Variants in UBE2E1 observed in about 807,000 individuals in gnomAD.
The protein encoded by UBE2E1 is ubiquitin-conjugating enzyme E2 E1.
UBE2E1 carries 6 observed loss-of-function variants against 21.4 expected under a neutral mutation model. The ratio of observed to expected loss-of-function variants is 0.28; its 90% CI spans 0.15 to 0.55. The LOEUF (loss-of-function observed/expected upper bound fraction) is 0.55, where lower values mean the gene tolerates loss of function less well. UBE2E1 is among the 20% of genes least tolerant of loss of function. UBE2E1 has a pLI of 0.93. For missense variants in UBE2E1, 142 were observed against 236.5 expected, an observed-to-expected ratio of 0.60 and a Z score of 2.62; for synonymous variants, 87 against 82.7, an observed-to-expected ratio of 1.05 and a Z score of -0.28.
chr3:23,807,252 TG>T lies in UBE2E1; in HGVS notation c.-14del. The T allele has an allele frequency of 6.2e-7, 1 of 1,602,366 alleles. No homozygotes were observed. The highest frequency in any genetic ancestry group is 1.8e-5 in the Admixed American group (1 of 56,670). ...CCCCCTGCAGGGGCTGTTTGCGGGG[TG>T]GGGTGGGGGGTTCGCTATGTCGGAT... is the stretch of plus-strand genomic sequence containing the variant. On this transcript the variant is annotated 5_prime_UTR_variant, in exon 2 of 6. Transcript: ENST00000306627.
chr3:23,827,978 G>C (rs1026407), intron 3 of UBE2E1, among the ~76,000 whole-genome samples: 116,049 of 151,946 alleles, frequency 0.76, 44,920 homozygotes, highest in African/African-American at 0.87. Context: ...CAGCTTCTTT[G>C]CTTTTTATTT....
intron 3 of UBE2E1, among the ~76,000 whole-genome samples, chr3:23,869,287 A>G (rs1196896512): frequency 1.3e-5 from 2 of 149,700 alleles, no homozygotes; most frequent in East Asian, 3.9e-4. Context: ...ATTAGTCAAG[A>G]TATTAGCCCT....
chr3:23,838,965 TTAGAATACATCTTTA>T (rs1378804186), intron 3 of UBE2E1, among the ~76,000 whole-genome samples: 107 of 152,096 alleles, frequency 7.0e-4, no homozygotes, highest in African/African-American at 1.4e-3. Context: ...AGTGGTTGCT[TTAGAATACATCTTTA>T]TAGAATACAT....
At position 23,836,021 on chromosome 3, in the gene UBE2E1, T is replaced by G. The variant is rs1262100930; in HGVS notation, c.203+24511T>G. The stretch of plus-strand genomic sequence containing the variant: ...TTTATGATCTAGTTTATGGCACAGA[T>G]AAGATATATATTTCAGAAAAAATGT... On this transcript the variant is annotated intron_variant, in intron 3 of 5. Transcript: ENST00000306627. This position sits in a 1 kb window ranked among gnomAD's most constrained non-coding sequence, Gnocchi z 4.1. 6.6e-6 allele frequency among the ~76,000 whole-genome samples: 1 copy of G among 152,230 alleles called. No individual in the cohort carries two copies. The highest frequency in any genetic ancestry group is 2.4e-5 in the African/African-American group (1 of 41,454).
At chr3:23,844,161 T>G (rs1575009937) in intron 3 of UBE2E1, among the ~76,000 whole-genome samples, 1 of 152,278 alleles carries the variant, frequency 6.6e-6, no homozygotes, top group South Asian at 2.1e-4. Flanking sequence ...TTGTGAGCCC[T>G]CCCCTTCCCC....
intron 3 of UBE2E1, among the ~76,000 whole-genome samples, chr3:23,818,920 A>C (rs976893735): frequency 1.3e-5 from 2 of 152,180 alleles, no homozygotes; most frequent in African/African-American, 2.4e-5. Flanking sequence ...TGGGGCTCTA[A>C]AGTGTAAGAA....
At chr3:23,843,350 A>G (rs1249682016) in intron 3 of UBE2E1, among the ~76,000 whole-genome samples, 1 of 152,162 alleles carries the variant, frequency 6.6e-6, no homozygotes, top group Non-Finnish European at 1.5e-5. Context: ...ACTGTGCACA[A>G]TGTTTTATGA....
chr3:23,869,419 C>G (rs1162274649), intron 3 of UBE2E1, among the ~76,000 whole-genome samples: 5 of 132,526 alleles, frequency 3.8e-5, no homozygotes, highest in African/African-American at 1.2e-4. Context: ...TGGTCTTTTC[C>G]TGTGTGTGTG....
At chr3:23,872,343 G>A (rs1285383113) in intron 3 of UBE2E1, among the ~76,000 whole-genome samples, 9 of 151,956 alleles carry the variant, frequency 5.9e-5, no homozygotes, top group South Asian at 2.1e-4. Flanking sequence ...GCTTCGGCTC[G>A]GCATCAGAGG....
chr3:23,887,745 G>C lies in UBE2E1; in HGVS notation c.336+46G>C, dbSNP rs544569350. On this transcript the variant is annotated intron_variant, in intron 4 of 5. Coordinates refer to ENST00000306627, the MANE Select transcript of UBE2E1 (RefSeq NM_003341.5). The surrounding 1 kb of genome is among the most constrained non-coding windows in gnomAD (Gnocchi z 4.4). ...CTCAAATTTACTAATTCCCACAAGA[G>C]AGCAACTGTTGAGGTTTTTCTAAAT... 6.4e-7 allele frequency: 1 copy of C among 1,570,420 alleles called. No homozygotes were observed. Among genetic ancestry groups the C allele is most frequent in the South Asian group, 1.2e-5 (1 of 83,740 alleles).
intron 3 of UBE2E1, among the ~76,000 whole-genome samples, chr3:23,848,547 A>G (rs767657929): frequency 4.6e-5 from 7 of 152,124 alleles, no homozygotes; most frequent in African/African-American, 7.2e-5. Flanking sequence ...ACGTTCTCTT[A>G]CCCAAATATG....
At position 23,816,635 on chromosome 3, in the gene UBE2E1, A is replaced by T. The variant is rs1699524792; in HGVS notation, c.203+5125A>T. The stretch of plus-strand genomic sequence containing the variant: ...GGCAGGAGAATGGTGTGAACCCAGG[A>T]GGCGGAGCTTGCTGTGAGCAGAGAT... On this transcript the variant is annotated intron_variant, in intron 3 of 5. Coordinates refer to ENST00000306627, the MANE Select transcript of UBE2E1 (RefSeq NM_003341.5). The surrounding 1 kb of genome is among the most constrained non-coding windows in gnomAD (Gnocchi z 4.8). Among the ~76,000 whole-genome samples, 1 of 152,160 alleles carries T rather than the reference A, an allele frequency of 6.6e-6. No individual in the cohort carries two copies. The highest frequency in any genetic ancestry group is 2.1e-4 in the South Asian group (1 of 4,828).
At position 23,812,230 on chromosome 3, in the gene UBE2E1, G is replaced by GA. The variant is rs201902749; in HGVS notation, c.203+720_203+721insA. On this transcript the variant is annotated intron_variant, in intron 3 of 5. Coordinates refer to ENST00000306627, the MANE Select transcript of UBE2E1 (RefSeq NM_003341.5). ...TTACTAGATCAACAATGAAGTGAGG[G>GA]TAACTTACAACTATGTATTAGAATA... Among the ~76,000 whole-genome samples the GA allele has an allele frequency of 9.6e-3, 1,457 of 151,742 alleles. 26 individuals carry two copies. The highest frequency in any genetic ancestry group is 0.033 in the African/African-American group (1,361 of 41,294).
rs1559482455 is a variant in UBE2E1 at position 23,842,244 on chromosome 3, TGTGTGG to T, written c.203+30735_203+30740del. Among the ~76,000 whole-genome samples, 177 of 62,496 alleles carry T rather than the reference TGTGTGG, an allele frequency of 2.8e-3. No individual in the cohort carries two copies. Among genetic ancestry groups the T allele is most frequent in the African/African-American group, 5.5e-3 (84 of 15,286 alleles). 41.0% of individuals were successfully genotyped at this position (62,496 alleles called of 152,430 possible). On this transcript the variant is annotated intron_variant, in intron 3 of 5. Coordinates refer to ENST00000306627, the MANE Select transcript of UBE2E1 (RefSeq NM_003341.5). This position sits in a 1 kb window ranked among gnomAD's most constrained non-coding sequence, Gnocchi z 4.6. ...GTGTGTGTGTGTGTGTGTGTGTGTG[TGTGTGG>T]TGTTGTTGTTGTTGGCGACAGGGTC... is the stretch of plus-strand genomic sequence containing the variant.
rs919747277 is a variant in UBE2E1 at position 23,876,053 on chromosome 3, G to A, written c.204-11514G>A. ...CACAAAGTGCTGGGATTACAGGCGT[G>A]AGCCACTGTGCCCAGCCAAATATGT... On this transcript the variant is annotated intron_variant, in intron 3 of 5. Coordinates refer to ENST00000306627, the MANE Select transcript of UBE2E1 (RefSeq NM_003341.5). The surrounding 1 kb of genome is among the most constrained non-coding windows in gnomAD (Gnocchi z 4.3). Among the ~76,000 whole-genome samples the A allele has an allele frequency of 6.6e-6, 1 of 152,266 alleles. No individual in the cohort carries two copies. The highest frequency in any genetic ancestry group is 2.4e-5 in the African/African-American group (1 of 41,480).
Position 23,889,132 on chromosome 3 carries a change from C to A in UBE2E1, c.357C>A (p.Ile119=). Residue 119 remains isoleucine (I), a synonymous_variant, in exon 5 of 6, where the codon ATC becomes ATA. Transcript: ENST00000306627. Reference sequence around the variant, plus strand: ...TTTAGGTTACATTTCGGACAAGAATCTATCATTGTAATATTAACAGTCAAG... The same window carrying A: ...TTTAGGTTACATTTCGGACAAGAATATATCATTGTAATATTAACAGTCAAG... ...KPPKVTFRTR[I]YHCNINSQGV... The A allele has an allele frequency of 6.3e-7, 1 of 1,599,018 alleles. No individual in the cohort carries two copies. Among genetic ancestry groups the A allele is most frequent in the Non-Finnish European group, 8.5e-7 (1 of 1,175,002 alleles).
rs1237502720 is a variant in UBE2E1 at position 23,806,210 on chromosome 3, G to T, written c.-34+122G>T. On this transcript the variant is annotated intron_variant, in intron 1 of 5. Transcript: ENST00000306627. The surrounding 1 kb of genome is among the most constrained non-coding windows in gnomAD (Gnocchi z 6.5). ...CGCCGGGCCGCAGGGCACGGGGCCGGCGCGGGGGGGGAGCGGAGAGGGGCT... is the reference window on the plus strand; with the variant it reads ...CGCCGGGCCGCAGGGCACGGGGCCGTCGCGGGGGGGGAGCGGAGAGGGGCT... 6.8e-6 allele frequency: 1 copy of T among 148,108 alleles called. No homozygotes were observed. Among genetic ancestry groups the T allele is most frequent in the Non-Finnish European group, 1.5e-5 (1 of 66,540 alleles). The allele number at this position is 148,108 out of a possible 1,614,324, so 9.2% of individuals were successfully genotyped here.
chr3:23,820,210 C>T (rs769516010), intron 3 of UBE2E1, among the ~76,000 whole-genome samples: 1 of 152,176 alleles, frequency 6.6e-6, no homozygotes, highest in South Asian at 2.1e-4. Flanking sequence ...TTTATGCAGC[C>T]ATGCTCTAAA....
intron 3 of UBE2E1, among the ~76,000 whole-genome samples, chr3:23,871,948 G>A (rs1041955449): frequency 2.0e-5 from 3 of 150,728 alleles, no homozygotes; most frequent in East Asian, 1.9e-4. Context: ...AGGCAGAGAC[G>A]CTCCTCACTT....
Sources: gnomAD v4.1 joint callset for allele counts (sites outside exome capture counted in the v4.1 genomes callset) on GRCh38, gnomAD v4.1.1 for gene constraint, Gnocchi (gnomAD v3.1) non-coding constraint, MANE v1.5 for transcripts, NCBI Gene and HGNC (gene_info 2026-07-23, HGNC 2026-07-21) for gene names.